TEX9: variants seen among roughly 807,000 people sequenced by gnomAD.
The protein encoded by TEX9 is testis expressed 9.
A neutral mutation model predicts 59.6 loss-of-function variants in TEX9; 74 were observed. The observed-to-expected ratio is 1.24, with a 90% CI of 1.03 to 1.51. The LOEUF (loss-of-function observed/expected upper bound fraction) is 1.51. Among genes scored for constraint, TEX9 ranks in the 40% most tolerant of loss-of-function variants. TEX9 has a pLI of 0.00. For synonymous variants in TEX9, 186 were observed against 152.2 expected (o/e 1.22, Z -1.64); for missense variants, 522 against 447.8 (o/e 1.17, Z -1.49).
At chr15:56,389,197 T>A in intron 5 of TEX9, 121 bp from the exon 6 acceptor site, 1 of 760,856 alleles carries the variant, frequency 1.3e-6, no homozygotes, top group South Asian at 1.6e-5. Context: ...TTTTTGGTAA[T>A]TCCATGAAAA....
At chr15:56,439,790 A>T (rs2050788226) in intron 12 of TEX9, among the ~76,000 whole-genome samples, 1 of 151,626 alleles carries the variant, frequency 6.6e-6, no homozygotes, top group Admixed American at 6.6e-5. Context: ...ACACACACAC[A>T]CACAAACCTT....
At chr15:56,268,469 A>G (rs1415432782) in intron 1 of TEX9, among the ~76,000 whole-genome samples, 6 of 152,096 alleles carry the variant, frequency 3.9e-5, no homozygotes, top group Non-Finnish European at 7.4e-5. Flanking sequence ...GTTTGTCGTA[A>G]ATAGCTCTTA....
intron 1 of TEX9, among the ~76,000 whole-genome samples, chr15:56,246,360 G>C (rs370474768): frequency 6.6e-6 from 1 of 152,250 alleles, no homozygotes; most frequent in East Asian, 1.9e-4. Flanking sequence ...GCCAGAGTGA[G>C]ATACCCTTTC....
At chr15:56,414,224 C>G (rs1261667035) in intron 10 of TEX9, among the ~76,000 whole-genome samples, 1 of 149,304 alleles carries the variant, frequency 6.7e-6, no homozygotes, top group Non-Finnish European at 1.5e-5. Context: ...TCTCCATATT[C>G]TAGCCAGCCA....
intron 1 of TEX9, among the ~76,000 whole-genome samples, chr15:56,299,314 G>C (rs2045287608): frequency 6.6e-6 from 1 of 152,230 alleles, no homozygotes; most frequent in African/African-American, 2.4e-5. Flanking sequence ...AAAGTAGCCA[G>C]TGCCCATGGA....
chr15:56,432,055 TA>T (rs2050611792), intron 12 of TEX9, among the ~76,000 whole-genome samples: 1 of 152,182 alleles, frequency 6.6e-6, no homozygotes, highest in South Asian at 2.1e-4. Flanking sequence ...AAGCCACTGT[TA>T]ATTTGAGACT....
chr15:56,338,611 G>T (rs1255243083), intron 1 of TEX9, among the ~76,000 whole-genome samples: 1 of 152,136 alleles, frequency 6.6e-6, no homozygotes, highest in Non-Finnish European at 1.5e-5. Flanking sequence ...GCAAGCCCCA[G>T]ACCACTGGAC....
chr15:56,344,008 G>A (rs1243004090), intron 1 of TEX9, among the ~76,000 whole-genome samples: 2 of 152,042 alleles, frequency 1.3e-5, no homozygotes, highest in African/African-American at 2.4e-5. Context: ...TATATAAGAT[G>A]GACAATAACA....
At chr15:56,343,538 T>C (rs1473716674) in intron 1 of TEX9, among the ~76,000 whole-genome samples, 1 of 152,018 alleles carries the variant, frequency 6.6e-6, no homozygotes, top group Non-Finnish European at 1.5e-5. Context: ...AAATTACCAA[T>C]ATGAGCAGAA....
At chr15:56,366,423 C>G (rs1017254866) in intron 2 of TEX9, among the ~76,000 whole-genome samples, 7 of 152,184 alleles carry the variant, frequency 4.6e-5, no homozygotes, top group Non-Finnish European at 1.0e-4. Context: ...GGTTTTCTTT[C>G]TATCTCAGGA....
chr15:56,445,221 A>T (rs948614668), intron 12 of TEX9, among the ~76,000 whole-genome samples: 7 of 152,048 alleles, frequency 4.6e-5, no homozygotes, highest in Admixed American at 4.6e-4. Flanking sequence ...TCTGAAAAGA[A>T]TCACAGATGC....
intron 1 of TEX9, among the ~76,000 whole-genome samples, chr15:56,312,027 A>G (rs1236018911): frequency 2.0e-5 from 3 of 151,850 alleles, no homozygotes; most frequent in East Asian, 1.9e-4. Flanking sequence ...TGAGTTCACT[A>G]TAGATTCTGG....
chr15:56,302,306 A>G lies in TEX9; in HGVS notation c.-107+58028A>G, dbSNP rs966746512. On this transcript the variant is annotated intron_variant, in intron 1 of 5. Coordinates refer to the TEX9 transcript ENST00000560827. ...AGTTCAAGACCAGCCTGGGCAACAG[A>G]GCAAGACACTGTTTACACACACACA... Among the ~76,000 whole-genome samples, 3 of 149,202 alleles carry G rather than the reference A, an allele frequency of 2.0e-5. No homozygotes were observed. The South Asian group carries it at 6.5e-4, about 32-fold the overall frequency.
intron 1 of TEX9, among the ~76,000 whole-genome samples, chr15:56,277,697 A>G (rs1003329000): frequency 3.3e-5 from 5 of 151,804 alleles, no homozygotes; most frequent in Non-Finnish European, 5.9e-5. Context: ...TTTTTTTTCT[A>G]TGTATTCATT....
intron 1 of TEX9, among the ~76,000 whole-genome samples, chr15:56,297,765 A>G (rs1332121926): frequency 6.6e-6 from 1 of 152,196 alleles, no homozygotes; most frequent in East Asian, 1.9e-4. Flanking sequence ...TTGGCCTCCC[A>G]AAGCGCTGGG....
chr15:56,314,728 C>G (rs1351027819), intron 1 of TEX9, among the ~76,000 whole-genome samples: 13 of 151,590 alleles, frequency 8.6e-5, no homozygotes, highest in Non-Finnish European at 4.4e-5. Context: ...TCTCGTTGAT[C>G]TGTCTAATGT....
At chr15:56,413,217 ATAATT>A (rs1429941344) in intron 10 of TEX9, among the ~76,000 whole-genome samples, 9 of 133,808 alleles carry the variant, frequency 6.7e-5, no homozygotes, top group Admixed American at 3.0e-4. Flanking sequence ...TAATAATTAA[ATAATT>A]TAATTTATTT....
chr15:56,310,328 A>T (rs1469708541), intron 1 of TEX9, among the ~76,000 whole-genome samples: 2 of 152,178 alleles, frequency 1.3e-5, no homozygotes, highest in East Asian at 3.9e-4. Context: ...GCTATTTGGG[A>T]GGCTGAGGCA....
chr15:56,373,028 C>G (rs2047260217), intron 2 of TEX9, among the ~76,000 whole-genome samples: 1 of 152,156 alleles, frequency 6.6e-6, no homozygotes, highest in South Asian at 2.1e-4. Context: ...GAGCAGGTCT[C>G]CCCCATACCG....
Sources: allele counts gnomAD v4.1 joint callset (sites outside exome capture counted in the v4.1 genomes callset), GRCh38; gene constraint gnomAD v4.1.1; transcripts MANE v1.5; gene names NCBI Gene and HGNC (gene_info 2026-07-23, HGNC 2026-07-21).